Variants in ETAA1 observed in about 807,000 individuals in gnomAD.
The protein encoded by ETAA1 is ewing's tumor-associated antigen 1.
In ETAA1, 49 loss-of-function variants were observed where a neutral mutation model predicts 76.8. That is an observed-to-expected ratio of 0.64 (90% CI 0.51 to 0.81). The LOEUF (loss-of-function observed/expected upper bound fraction) is 0.81. Among genes scored for constraint, ETAA1 ranks in the 30% least tolerant of loss-of-function variants. The pLI is 0.00. For missense variants in ETAA1, 1,099 were observed against 1,074.0 expected (o/e 1.02, Z -0.32); for synonymous variants, 373 against 372.2 (o/e 1.00, Z -0.03).
chr2:67,412,003 T>G lies in ETAA1; in HGVS notation c.*1965T>G, dbSNP rs17545329. On this transcript the variant is annotated 3_prime_UTR_variant, in exon 6 of 6. Transcript: ENST00000272342. ...GAACCTCGTACCTAACCATCTTCAC[T>G]GGAATTGATTGCTTCTCTCTGATCA... is the stretch of plus-strand genomic sequence containing the variant. The G allele has an allele frequency of 0.068, 10,312 of 152,040 alleles. 453 individuals carry two copies. Among genetic ancestry groups the G allele is most frequent in the Middle Eastern group, 0.13 (39 of 296 alleles). 9.4% of individuals were successfully genotyped at this position (152,040 alleles called of 1,614,324 possible). A position where few individuals can be genotyped will look rare whatever the true frequency, so the allele number is the denominator to read the frequency against.
Position 67,404,132 on chromosome 2 carries a change from T to G in ETAA1, c.1450T>G (p.Ser484Ala). Residue 484 changes from serine (S) to alanine (A), a missense_variant, in exon 5 of 6, where the codon TCT becomes GCT. Ser to Ala is a moderately conservative substitution (Grantham distance 99, BLOSUM62 1). Around this residue, in one of 3 missense-constraint regions of ETAA1, gnomAD observed 761 missense variants for 731.9 expected, o/e 1.04. Transcript: ENST00000272342. ...TGGAAATAAAATGAAATTTGAGAACTCTTCCAATAAAATTGTTATTCAAGA... is the reference window on the plus strand; with the variant it reads ...TGGAAATAAAATGAAATTTGAGAACGCTTCCAATAAAATTGTTATTCAAGA... Reference protein sequence around the residue: ...STGNKMKFENSSNKIVIQDEI... With the variant: ...STGNKMKFENASNKIVIQDEI... The G allele has an allele frequency of 6.3e-7, 1 of 1,590,124 alleles. No homozygotes were observed. The highest frequency in any genetic ancestry group is 8.5e-7 in the Non-Finnish European group (1 of 1,171,772).
rs185225666 is a variant in ETAA1 at position 67,399,052 on chromosome 2, G to A, written c.224-117G>A. 1.4e-4 allele frequency: 137 copies of A among 947,810 alleles called. 1 individual carries two copies. In the Admixed American group the frequency reaches 4.0e-3, roughly 27 times the overall value. 58.7% of individuals were successfully genotyped at this position (947,810 alleles called of 1,614,324 possible). ...TTACGGTTCAGGTAATTATCTCTGG[G>A]AAAAAAAATTATCTTGGACTATAAA... On this transcript the variant is annotated intron_variant, in intron 1 of 5. Transcript: ENST00000272342.
At position 67,402,976 on chromosome 2, in the gene ETAA1, T is replaced by A; in HGVS notation, c.542+2T>A. ...AAGAGCAAAAATCAGCTGCACAAAG[T>A]AAGTTAAGACTTTTCAGCTTTTCTG... On this transcript the variant is annotated splice_donor_variant, in intron 4 of 5. Coordinates refer to ENST00000272342, the MANE Select transcript of ETAA1 (RefSeq NM_019002.4). LOFTEE classifies it high-confidence loss of function. 6.3e-7 allele frequency: 1 copy of A among 1,596,414 alleles called. No individual in the cohort carries two copies. Among genetic ancestry groups the A allele is most frequent in the African/African-American group, 1.4e-5 (1 of 74,048 alleles).
Position 67,405,021 on chromosome 2 carries a change from C to A in ETAA1, c.2339C>A (p.Ser780Ter), listed in dbSNP as rs561928710. 1 of 1,611,718 alleles carries A rather than the reference C, an allele frequency of 6.2e-7. No individual in the cohort carries two copies. The highest frequency in any genetic ancestry group is 8.5e-7 in the Non-Finnish European group (1 of 1,178,714). ...LPGSSSLNVTSDHMNTEITTY... is the reference protein window; with the variant it reads ...LPGSSSLNVT ...GGAAGTTCAAGTTTGAATGTAACTTCAGATCATATGAATACAGAAATTACT... is the reference window on the plus strand; with the variant it reads ...GGAAGTTCAAGTTTGAATGTAACTTAAGATCATATGAATACAGAAATTACT... Residue 780 changes from serine to a stop codon, truncating the protein, a stop_gained, in exon 5 of 6, where the codon TCA (serine) becomes TAA (stop). Transcript: ENST00000272342. LOFTEE classifies it high-confidence loss of function.
At chr2:67,406,132 G>C (rs73938620) in intron 5 of ETAA1, among the ~76,000 whole-genome samples, 126 of 152,152 alleles carry the variant, frequency 8.3e-4, no homozygotes, top group African/African-American at 2.9e-3. Context: ...AATCCAAACT[G>C]TATACTGTGA....
chr2:67,404,201 A>G lies in ETAA1; in HGVS notation c.1519A>G (p.Lys507Glu). 2 of 1,611,056 alleles carry G rather than the reference A, an allele frequency of 1.2e-6. No homozygotes were observed. Among genetic ancestry groups the G allele is most frequent in the Non-Finnish European group, 1.7e-6 (2 of 1,178,670 alleles). The change falls in exon 5 of 6, where the codon AAG becomes GAG. Residue 507 changes from lysine to glutamate, a missense_variant. Around this residue, in one of 3 missense-constraint regions of ETAA1, gnomAD observed 761 missense variants for 731.9 expected, o/e 1.04. Transcript: ENST00000272342. The stretch of plus-strand genomic sequence containing the variant: ...AGTTACATCTAATCTGACAAAAATA[A>G]AGGAAGATATTCTTACTAACTCTAC... ...CIVTSNLTKI[K>E]EDILTNSTEA... is the part of the protein sequence containing the mutation.
At position 67,399,625 on chromosome 2, in the gene ETAA1, A is replaced by T. The variant is rs956684423; in HGVS notation, c.428A>T (p.Gln143Leu). The T allele has an allele frequency of 1.9e-6, 3 of 1,590,872 alleles. No homozygotes were observed. The highest frequency in any genetic ancestry group is 2.6e-6 in the Non-Finnish European group (3 of 1,162,708). Reference protein sequence around the residue: ...ISHIVNRIAPQDEKPTTNSML... With the variant: ...ISHIVNRIAPLDEKPTTNSML... ...CATATTGTTAATCGTATTGCTCCTCAGGTAAATATCACTAGTTTTACAGTT... is the reference window on the plus strand; with the variant it reads ...CATATTGTTAATCGTATTGCTCCTCTGGTAAATATCACTAGTTTTACAGTT... Residue 143 changes from glutamine (Q) to leucine (L), a missense_variant and splice_region_variant, in exon 3 of 6, where the codon CAG (glutamine) becomes CTG (leucine). Gln to Leu is a moderately radical substitution (Grantham distance 113). Coordinates refer to ENST00000272342, the MANE Select transcript of ETAA1 (RefSeq NM_019002.4).
In ETAA1 at chr2:67,397,411, T is replaced by G. The variant is rs1558577953; in HGVS notation, c.-38T>G. 4 of 1,555,622 alleles carry G rather than the reference T, an allele frequency of 2.6e-6. No homozygotes were observed. The Admixed American group carries it at 5.8e-5, about 22-fold the overall frequency. On this transcript the variant is annotated 5_prime_UTR_variant, in exon 1 of 6. It removes the in-frame stop codon of an upstream open reading frame in the 5' UTR. Transcript: ENST00000272342. The stretch of plus-strand genomic sequence containing the variant: ...GCCCTACTCATCCCTTTGCAAAATG[T>G]GAAAGAAGAAGCGGCTGGTGGAGGC...
Position 67,405,223 on chromosome 2 carries a change from C to CA in ETAA1, c.2545dup (p.Ile849AsnfsTer29), listed in dbSNP as rs781776615. On this transcript the variant is annotated frameshift_variant, in exon 5 of 6. Coordinates refer to ENST00000272342, the MANE Select transcript of ETAA1 (RefSeq NM_019002.4). LOFTEE classifies it high-confidence loss of function. The stretch of plus-strand genomic sequence containing the variant: ...GTATAACTGGAAGTATGTCTGATAC[C>CA]AAAATTACACAGGGTGTGGAGAAAA... The CA allele has an allele frequency of 1.1e-4, 170 of 1,612,052 alleles. No individual in the cohort carries two copies. The highest frequency in any genetic ancestry group is 1.4e-4 in the Non-Finnish European group (161 of 1,178,964).
At position 67,403,363 on chromosome 2, in the gene ETAA1, T is replaced by C. The variant is rs1676109310; in HGVS notation, c.681T>C (p.Ile227=). 1 of 1,604,306 alleles carries C rather than the reference T, an allele frequency of 6.2e-7. No homozygotes were observed. Among genetic ancestry groups the C allele is most frequent in the South Asian group, 1.1e-5 (1 of 90,558 alleles). ...DFTQMISETE[I]LSNYKDNIQM... is the part of the protein sequence containing the mutation. The stretch of plus-strand genomic sequence containing the variant: ...CCCAGATGATTTCAGAAACAGAGAT[T>C]TTAAGTAATTATAAAGATAATATAC... Residue 227 remains isoleucine (I), a synonymous_variant, in exon 5 of 6, where the codon ATT becomes ATC. Coordinates refer to ENST00000272342, the MANE Select transcript of ETAA1 (RefSeq NM_019002.4).
rs1408790071 is a variant in ETAA1 at position 67,397,475 on chromosome 2, C to T, written c.27C>T (p.Asp9=). The T allele has an allele frequency of 3.1e-6, 5 of 1,601,868 alleles. No individual in the cohort carries two copies. The highest frequency in any genetic ancestry group is 3.4e-6 in the Non-Finnish European group (4 of 1,174,198). The change falls in exon 1 of 6, where the codon GAC becomes GAT. Residue 9 remains aspartate (D), a synonymous_variant. Coordinates refer to ENST00000272342, the MANE Select transcript of ETAA1 (RefSeq NM_019002.4). ...TGAGTCGGCGAAGGAAACATGATGACAGCCCTAGCCCGAAGAAAACGCCGC... is the reference window on the plus strand; with the variant it reads ...TGAGTCGGCGAAGGAAACATGATGATAGCCCTAGCCCGAAGAAAACGCCGC... MSRRRKHD[D]SPSPKKTPHK...
In ETAA1 at chr2:67,403,474, A is replaced by G. The variant is rs774511899; in HGVS notation, c.792A>G (p.Ala264=). The part of the protein sequence containing the change: ...PIKGNTKISV[A]NNQNSSQKPF... ...AAGGAAACACCAAGATATCTGTGGC[A>G]AATAATCAAAATAGCAGTCAGAAGC... is the stretch of plus-strand genomic sequence containing the variant. The change falls in exon 5 of 6, where the codon GCA becomes GCG. Residue 264 remains alanine, a synonymous_variant. Coordinates refer to ENST00000272342, the MANE Select transcript of ETAA1 (RefSeq NM_019002.4). 6.2e-7 allele frequency: 1 copy of G among 1,613,424 alleles called. No individual in the cohort carries two copies. The highest frequency in any genetic ancestry group is 8.5e-7 in the Non-Finnish European group (1 of 1,179,458).
rs761759217 is a variant in ETAA1 at position 67,410,527 on chromosome 2, CTTTTTA to C, written c.*493_*498del. The C allele has an allele frequency of 2.0e-5, 3 of 151,826 alleles. No individual in the cohort carries two copies. Among genetic ancestry groups the C allele is most frequent in the South Asian group, 2.1e-4 (1 of 4,816 alleles). 9.4% of individuals were successfully genotyped at this position (151,826 alleles called of 1,614,324 possible). ...AACATGGTTGATATGAAATAAAGGA[CTTTTTA>C]TTTGTAAGGAAATTATGTTCAGTTC... On this transcript the variant is annotated 3_prime_UTR_variant, in exon 6 of 6. Coordinates refer to ENST00000272342, the MANE Select transcript of ETAA1 (RefSeq NM_019002.4).
chr2:67,397,997 T>C (rs1037791512), intron 1 of ETAA1, among the ~76,000 whole-genome samples: 1 of 152,210 alleles, frequency 6.6e-6, no homozygotes, highest in Non-Finnish European at 1.5e-5. Flanking sequence ...AAACAGCTGA[T>C]AGGCCCGCTA....
chr2:67,400,426 C>A (rs1391019106), intron 3 of ETAA1: 5 of 151,952 alleles, frequency 3.3e-5, no homozygotes, highest in South Asian at 2.1e-4. Context: ...GAGTTTAAGA[C>A]CCTGTCTCTT....
chr2:67,403,126 C>A, intron 4 of ETAA1, 99 bp from the exon 5 acceptor site: 1 of 1,107,260 alleles, frequency 9.0e-7, no homozygotes. Flanking sequence ...ATAATTATAA[C>A]TGTTAAAATC....
intron 1 of ETAA1, among the ~76,000 whole-genome samples, chr2:67,398,689 TAA>T (rs1675968842): frequency 6.6e-6 from 1 of 152,162 alleles, no homozygotes. Flanking sequence ...AAAATCTTTA[TAA>T]AAATTTGAAA....
At chr2:67,402,666 C>G (rs1676087088) in intron 3 of ETAA1, 196 bp from the exon 4 acceptor site, 1 of 292,186 alleles carries the variant, frequency 3.4e-6, no homozygotes, top group Non-Finnish European at 6.3e-6. Context: ...ATAAGTGGAT[C>G]AATTATTGTA....
At position 67,408,836 on chromosome 2, in the gene ETAA1, G is replaced by C. The variant is rs80337034; in HGVS notation, c.2654-1075G>C. Among the ~76,000 whole-genome samples, 114 of 152,168 alleles carry C rather than the reference G, an allele frequency of 7.5e-4. 3 individuals are homozygous for C. The East Asian group carries it at 0.013, about 18-fold the overall frequency. ...TTTTCTTTCCACACAGTCAAATTCA[G>C]TGTAAAGTCTTTGGATGTGTAGTCT... On this transcript the variant is annotated intron_variant, in intron 5 of 5. Transcript: ENST00000272342.
Sources: allele counts gnomAD v4.1 joint callset (sites outside exome capture counted in the v4.1 genomes callset), GRCh38; gene constraint gnomAD v4.1.1; regional missense constraint gnomAD v4.1.1; transcripts MANE v1.5; gene names NCBI Gene and HGNC (gene_info 2026-07-23, HGNC 2026-07-21).